Variants in PEBP4 observed in about 807,000 individuals in gnomAD.
PEBP4 encodes phosphatidylethanolamine-binding protein 4.
PEBP4 carries 22 observed loss-of-function variants against 23.9 expected under a neutral mutation model. The ratio of observed to expected loss-of-function variants is 0.92; its 90% CI spans 0.66 to 1.31. The LOEUF (loss-of-function observed/expected upper bound fraction) is 1.31, where lower values mean the gene tolerates loss of function less well. Ranked by LOEUF, PEBP4 falls within the 40% of genes most tolerant of loss-of-function variation. The pLI is 0.00. For synonymous variants in PEBP4, 112 were observed against 99.3 expected (o/e 1.13, Z -0.76); for missense variants, 324 against 281.7 (o/e 1.15, Z -1.07).
intron 3 of PEBP4, among the ~76,000 whole-genome samples, chr8:22,914,708 C>T (rs1196518024): frequency 6.6e-6 from 1 of 152,252 alleles, no homozygotes; most frequent in Non-Finnish European, 1.5e-5. Context: ...CCCAGCCCTG[C>T]CTTCTCTTCT....
At chr8:22,911,159 T>C (rs938234619) in intron 3 of PEBP4, among the ~76,000 whole-genome samples, 1 of 152,124 alleles carries the variant, frequency 6.6e-6, no homozygotes, top group Non-Finnish European at 1.5e-5. Flanking sequence ...ATCTGTTGTT[T>C]CCTCGCCTGT....
chr8:22,873,924 T>C (rs1462336208), intron 3 of PEBP4, among the ~76,000 whole-genome samples: 1 of 152,152 alleles, frequency 6.6e-6, no homozygotes, highest in East Asian at 1.9e-4. Context: ...CCCCTCCCTG[T>C]TTCTCTAGCT....
At chr8:22,906,890 C>T (rs907230873) in intron 3 of PEBP4, among the ~76,000 whole-genome samples, 16 of 151,480 alleles carry the variant, frequency 1.1e-4, no homozygotes, top group African/African-American at 2.9e-4. Flanking sequence ...AAGCAAAAAA[C>T]GTAAAAAAAA....
chr8:22,910,680 G>T (rs537324090), intron 3 of PEBP4, among the ~76,000 whole-genome samples: 18 of 152,354 alleles, frequency 1.2e-4, no homozygotes, highest in African/African-American at 4.3e-4. Context: ...GGAGGCCTGG[G>T]TGGTAGTCTA....
chr8:22,807,021 T>C (rs1386238181), intron 4 of PEBP4, among the ~76,000 whole-genome samples: 1 of 152,240 alleles, frequency 6.6e-6, no homozygotes, highest in Non-Finnish European at 1.5e-5. Context: ...TAAACTGTTT[T>C]TGAATTCCGA....
chr8:22,751,570 G>A (rs1805259968), intron 4 of PEBP4, among the ~76,000 whole-genome samples: 1 of 151,498 alleles, frequency 6.6e-6, no homozygotes, highest in South Asian at 2.1e-4. Context: ...GCTTTGACTT[G>A]GATAAGGAGG....
At chr8:22,843,492 C>G (rs1251119610) in intron 3 of PEBP4, among the ~76,000 whole-genome samples, 1 of 152,222 alleles carries the variant, frequency 6.6e-6, no homozygotes, top group Non-Finnish European at 1.5e-5. Context: ...TTGCTGAAAA[C>G]ATTTCCTAAT....
intron 4 of PEBP4, among the ~76,000 whole-genome samples, chr8:22,768,362 A>G (rs966730303): frequency 6.6e-6 from 1 of 152,066 alleles, no homozygotes; most frequent in African/African-American, 2.4e-5. Context: ...AGCCCCTAGC[A>G]CAGTAAGAGC....
chr8:22,715,653 G>A (rs1373046488), intron 6 of PEBP4, among the ~76,000 whole-genome samples: 3 of 152,232 alleles, frequency 2.0e-5, no homozygotes, highest in African/African-American at 7.2e-5. Flanking sequence ...AGCCTTCAGT[G>A]CCCTGGGGCA....
intron 3 of PEBP4, among the ~76,000 whole-genome samples, chr8:22,915,046 C>A (rs1353128388): frequency 6.6e-6 from 1 of 152,034 alleles, no homozygotes; most frequent in African/African-American, 2.4e-5. Context: ...CACAGAAACC[C>A]GAGGGTCATC....
chr8:22,900,255 C>T (rs756467905), intron 3 of PEBP4, among the ~76,000 whole-genome samples: 5 of 152,168 alleles, frequency 3.3e-5, no homozygotes, highest in Admixed American at 6.5e-5. Context: ...GGGTGTGAGA[C>T]GACTTTAGTG....
intron 4 of PEBP4, among the ~76,000 whole-genome samples, chr8:22,733,345 T>C (rs1042915102): frequency 2.0e-5 from 3 of 152,194 alleles, no homozygotes; most frequent in African/African-American, 7.2e-5. Flanking sequence ...ATCCTTTGGG[T>C]GTCCCCGTAG....
At chr8:22,906,595 G>A (rs1808819429) in intron 3 of PEBP4, among the ~76,000 whole-genome samples, 2 of 152,242 alleles carry the variant, frequency 1.3e-5, no homozygotes, top group Non-Finnish European at 2.9e-5. Flanking sequence ...TTGCAAGGCT[G>A]CACTAGTCAC....
Position 22,724,947 on chromosome 8 carries a change from GCCTGGTA to G in PEBP4, c.406_412del (p.Tyr136LeufsTer44). On this transcript the variant is annotated frameshift_variant and splice_region_variant, in exon 6 of 7. Coordinates refer to ENST00000256404, the MANE Select transcript of PEBP4 (RefSeq NM_144962.3). LOFTEE classifies it high-confidence loss of function. ...GCCACTGTGTGCCGGTGGGGAGGGA[GCCTGGTA>G]GGCTATAGGTAGAAGCAGGAGAGAG... 2.5e-6 allele frequency: 4 copies of G among 1,612,962 alleles called. No homozygotes were observed. Among genetic ancestry groups the G allele is most frequent in the Non-Finnish European group, 3.4e-6 (4 of 1,179,062 alleles).
chr8:22,750,025 C>T (rs1298116300), intron 4 of PEBP4, among the ~76,000 whole-genome samples: 2 of 151,830 alleles, frequency 1.3e-5, no homozygotes, highest in African/African-American at 2.4e-5. Flanking sequence ...AGGTTGGTCT[C>T]GAACTCCCGA....
At chr8:22,845,395 TGTGGTGGTGTGTGCCTATA>T in intron 3 of PEBP4, among the ~76,000 whole-genome samples, 2 of 144,312 alleles carry the variant, frequency 1.4e-5, no homozygotes, top group South Asian at 4.4e-4. Flanking sequence ...AATTGCTGGG[TGTGGTGGTGTGTGCCTATA>T]GTCCTAGCTA....
At chr8:22,809,459 C>G (rs1182633790) in intron 4 of PEBP4, among the ~76,000 whole-genome samples, 6 of 152,100 alleles carry the variant, frequency 3.9e-5, no homozygotes, top group African/African-American at 1.4e-4. Context: ...TAAGCTGTCA[C>G]CTGGGCTGGG....
intron 3 of PEBP4, among the ~76,000 whole-genome samples, chr8:22,822,170 C>T (rs1043871607): frequency 2.0e-5 from 3 of 151,914 alleles, no homozygotes; most frequent in Admixed American, 6.6e-5. Context: ...GGACACCTTT[C>T]CAAAGATGAT....
chr8:22,838,465 G>A (rs1807252612), intron 3 of PEBP4, among the ~76,000 whole-genome samples: 1 of 152,162 alleles, frequency 6.6e-6, no homozygotes, highest in Admixed American at 6.5e-5. Flanking sequence ...CCTTGGCTTG[G>A]GAGACTCGAA....
Sources: allele counts gnomAD v4.1 joint callset (sites outside exome capture counted in the v4.1 genomes callset), GRCh38; gene constraint gnomAD v4.1.1; transcripts MANE v1.5; gene names NCBI Gene and HGNC (gene_info 2026-07-23, HGNC 2026-07-21).